SLCO3A1: variants seen among roughly 807,000 people sequenced by gnomAD.
SLCO3A1 encodes PGE1 transporter.
In SLCO3A1, 27 loss-of-function variants were observed where a neutral mutation model predicts 63.1. That is an observed-to-expected ratio of 0.43 (90% confidence interval 0.32 to 0.59). The LOEUF (loss-of-function observed/expected upper bound fraction) is 0.59, where lower values mean the gene tolerates loss of function less well. SLCO3A1 is among the 20% of genes least tolerant of loss of function. The probability of loss-of-function intolerance (pLI) is 0.09; values close to 1 mark genes in which losing one functional copy is unlikely to be tolerated. For missense variants in SLCO3A1, 773 were observed against 945.8 expected (o/e 0.82, Z 2.40); for synonymous variants, 473 against 409.9 (o/e 1.15, Z -1.86).
At chr15:92,146,169 T>C (rs1315014046) in intron 7 of SLCO3A1, among the ~76,000 whole-genome samples, 1 of 152,198 alleles carries the variant, frequency 6.6e-6, no homozygotes, top group East Asian at 1.9e-4. Flanking sequence ...GGAACCTTAA[T>C]TGGCTTGGCA....
chr15:92,118,597 TCTC>T (rs772947197), intron 4 of SLCO3A1, among the ~76,000 whole-genome samples: 6 of 152,210 alleles, frequency 3.9e-5, no homozygotes, highest in Non-Finnish European at 8.8e-5. Context: ...AGAGGTTTCA[TCTC>T]CTACGAGATG....
intron 9 of SLCO3A1, chr15:92,162,258 A>C (rs2048449156): frequency 6.7e-6 from 1 of 148,356 alleles, no homozygotes; most frequent in African/African-American, 2.5e-5. Flanking sequence ...CTTCTGCCTC[A>C]GTCTCCCAAG....
chr15:91,951,904 A>T (rs756880308), intron 2 of SLCO3A1, among the ~76,000 whole-genome samples: 13 of 152,114 alleles, frequency 8.5e-5, no homozygotes, highest in Non-Finnish European at 1.8e-4. Context: ...TCTTTTGTAT[A>T]TACCGAGAAT....
chr15:91,951,806 C>T (rs1264682994), intron 2 of SLCO3A1, among the ~76,000 whole-genome samples: 1 of 152,254 alleles, frequency 6.6e-6, no homozygotes, highest in Non-Finnish European at 1.5e-5. Context: ...CTGCCTGCCT[C>T]GGCCTCCCTA....
At position 92,163,695 on chromosome 15, in the gene SLCO3A1, T is replaced by C; in HGVS notation, c.*560T>C. On this transcript the variant is annotated 3_prime_UTR_variant, in exon 10 of 10. Coordinates refer to ENST00000318445, the MANE Select transcript of SLCO3A1 (RefSeq NM_013272.4). The stretch of plus-strand genomic sequence containing the variant: ...TGGAAGCACCACTCCTCTCTCTGAC[T>C]TTCGCAATATGGGTCACTGTGTAGA... 2.0e-6 allele frequency: 2 copies of C among 985,448 alleles called. No homozygotes were observed. The highest frequency in any genetic ancestry group is 5.2e-4 in the Middle Eastern group (1 of 1,914). 61.0% of individuals were successfully genotyped at this position (985,448 alleles called of 1,614,324 possible). A position where few individuals can be genotyped will look rare whatever the true frequency, so the allele number is the denominator to read the frequency against.
rs1053541145 is a variant in SLCO3A1, at chr15:92,151,420, G to C, written c.1753+406G>C. Among the ~76,000 whole-genome samples the C allele has an allele frequency of 1.3e-4, 20 of 152,294 alleles. 1 individual carries two copies. Among genetic ancestry groups the C allele is most frequent in the Non-Finnish European group, 2.6e-4 (18 of 68,032 alleles). On this transcript the variant is annotated intron_variant, in intron 9 of 9. Transcript: ENST00000318445. ...ACAATGCCTTGAAAATGGAAACTTT[G>C]CATCCTTTAAATTTTTCCAAACTGA... is the stretch of plus-strand genomic sequence containing the variant.
chr15:91,935,509 C>A (rs893000137), intron 2 of SLCO3A1, among the ~76,000 whole-genome samples: 38 of 152,176 alleles, frequency 2.5e-4, no homozygotes, highest in Non-Finnish European at 2.9e-4. Context: ...ACCTTAAAAC[C>A]TAGCCCACCC....
chr15:91,966,264 C>T (rs1039166207), intron 2 of SLCO3A1, among the ~76,000 whole-genome samples: 5 of 152,104 alleles, frequency 3.3e-5, no homozygotes, highest in East Asian at 1.9e-4. Context: ...AGATTTGGGA[C>T]GCAGAGAAAA....
chr15:92,132,270 A>G (rs2048005638), intron 7 of SLCO3A1, among the ~76,000 whole-genome samples: 1 of 146,120 alleles, frequency 6.8e-6, no homozygotes, highest in African/African-American at 2.5e-5. Flanking sequence ...AATTCTGATT[A>G]TAGGGAAATC....
At chr15:91,991,820 G>C (rs2046129582) in intron 2 of SLCO3A1, among the ~76,000 whole-genome samples, 1 of 152,202 alleles carries the variant, frequency 6.6e-6, no homozygotes, top group Non-Finnish European at 1.5e-5. Flanking sequence ...TGAGGAACAA[G>C]AATTAATTAC....
chr15:91,968,271 G>T lies in SLCO3A1; in HGVS notation c.646+51813G>T, dbSNP rs1009350782. Among the ~76,000 whole-genome samples, 4 of 152,074 alleles carry T rather than the reference G, an allele frequency of 2.6e-5. No individual in the cohort carries two copies. Among genetic ancestry groups the T allele is most frequent in the Non-Finnish European group, 4.4e-5 (3 of 68,012 alleles). ...TTACAGTCTTTTACTTCTCCACCTG[G>T]GGAAAACAGCAGATGGAGGAGAGGA... On this transcript the variant is annotated intron_variant, in intron 2 of 9. Transcript: ENST00000318445. This position sits in a 1 kb window ranked among gnomAD's most constrained non-coding sequence, Gnocchi z 4.2.
intron 2 of SLCO3A1, among the ~76,000 whole-genome samples, chr15:92,083,478 C>G (rs1246880761): frequency 6.6e-6 from 1 of 152,152 alleles, no homozygotes; most frequent in Non-Finnish European, 1.5e-5. Context: ...TAGGTTCTCC[C>G]TTCACCACTC....
At chr15:91,855,177 G>T (rs187278255) in intron 1 of SLCO3A1, among the ~76,000 whole-genome samples, 46 of 152,320 alleles carry the variant, frequency 3.0e-4, no homozygotes, top group Non-Finnish European at 5.1e-4. Flanking sequence ...CACATCCAGA[G>T]ATAGAACCAC....
chr15:92,100,408 G>C (rs564801337), intron 3 of SLCO3A1, among the ~76,000 whole-genome samples: 1 of 152,328 alleles, frequency 6.6e-6, no homozygotes, highest in African/African-American at 2.4e-5. Flanking sequence ...CTGGGATACT[G>C]TCTCTACCTC....
In SLCO3A1 at chr15:91,927,831, A is replaced by G. The variant is rs567673173; in HGVS notation, c.646+11373A>G. ...GGTCTCATTAACACAGCAAGGATCT[A>G]ATAGATTCTAAAATTGCGTATGGAC... On this transcript the variant is annotated intron_variant, in intron 2 of 9. Coordinates refer to ENST00000318445, the MANE Select transcript of SLCO3A1 (RefSeq NM_013272.4). Among the ~76,000 whole-genome samples the G allele has an allele frequency of 2.6e-5, 4 of 152,324 alleles. No individual in the cohort carries two copies. The East Asian group carries it at 7.7e-4, about 29-fold the overall frequency.
chr15:91,857,432 T>G (rs567860687), intron 1 of SLCO3A1, among the ~76,000 whole-genome samples: 62 of 152,330 alleles, frequency 4.1e-4, no homozygotes, highest in Non-Finnish European at 8.5e-4. Context: ...ACCTCCTGAC[T>G]GGCTATGACA....
chr15:92,002,122 A>C (rs1377382006), intron 2 of SLCO3A1, among the ~76,000 whole-genome samples: 1 of 152,184 alleles, frequency 6.6e-6, no homozygotes, highest in Non-Finnish European at 1.5e-5. Context: ...TGAGGGTCTT[A>C]GCCCAGTGAG....
chr15:91,947,900 C>A (rs1339194658), intron 2 of SLCO3A1, among the ~76,000 whole-genome samples: 3 of 152,168 alleles, frequency 2.0e-5, no homozygotes, highest in Non-Finnish European at 4.4e-5. Context: ...TATTGACACA[C>A]AGCTGCTGGC....
At chr15:91,951,321 G>A (rs539000703) in intron 2 of SLCO3A1, among the ~76,000 whole-genome samples, 4 of 152,150 alleles carry the variant, frequency 2.6e-5, no homozygotes, top group Non-Finnish European at 4.4e-5. Flanking sequence ...AGTGCAATAC[G>A]TGGTGTTTTG....
Sources: gnomAD v4.1 joint callset for allele counts (sites outside exome capture counted in the v4.1 genomes callset) on GRCh38, gnomAD v4.1.1 for gene constraint, Gnocchi (gnomAD v3.1) non-coding constraint, MANE v1.5 for transcripts, NCBI Gene and HGNC (gene_info 2026-07-23, HGNC 2026-07-21) for gene names.